Variants in GPHN observed in about 807,000 individuals in gnomAD.
GPHN encodes the protein gephyrin.
Under a neutral mutation model 95.5 loss-of-function variants are expected in GPHN, and 17 were observed. The ratio of observed to expected loss-of-function variants is 0.18; its 90% CI spans 0.12 to 0.27. The LOEUF (loss-of-function observed/expected upper bound fraction) is 0.27. Ranked by LOEUF, GPHN falls within the 10% of genes least tolerant of loss-of-function variation. The pLI is 1.00. For synonymous variants in GPHN, 320 were observed against 322.5 expected (o/e 0.99, Z 0.08); for missense variants, 660 against 978.1 (o/e 0.67, Z 4.34).
chr14:67,078,672 TG>T (rs2076583466), intron 11 of GPHN, among the ~76,000 whole-genome samples: 1 of 152,134 alleles, frequency 6.6e-6, no homozygotes, highest in African/African-American at 2.4e-5. Context: ...GGCTTGACAT[TG>T]AATGAAGTCT....
chr14:67,040,274 T>A (rs2074632703), intron 10 of GPHN, among the ~76,000 whole-genome samples: 1 of 152,168 alleles, frequency 6.6e-6, no homozygotes, highest in Non-Finnish European at 1.5e-5. Flanking sequence ...TTGTCACATT[T>A]CCTTTATCAT....
chr14:67,366,465 C>T, the GPHN span, among the ~76,000 whole-genome samples: 23 of 152,150 alleles, frequency 1.5e-4, no homozygotes, highest in African/African-American at 5.6e-4. Context: ...TACTTGCTTA[C>T]GTACAGTAGA....
At chr14:66,774,882 G>T (rs1279799912) in intron 2 of GPHN, among the ~76,000 whole-genome samples, 1 of 152,140 alleles carries the variant, frequency 6.6e-6, no homozygotes, top group African/African-American at 2.4e-5. Context: ...TTAAAATACT[G>T]TAGGAAAATT....
chr14:66,543,710 C>T (rs1273201684), intron 1 of GPHN, among the ~76,000 whole-genome samples: 1 of 152,194 alleles, frequency 6.6e-6, no homozygotes, highest in Non-Finnish European at 1.5e-5. Flanking sequence ...ACTTCTCTTG[C>T]TTTCTCCCAC....
At chr14:67,375,332 T>C in the GPHN span, among the ~76,000 whole-genome samples, 1 of 150,318 alleles carries the variant, frequency 6.7e-6, no homozygotes, top group East Asian at 2.0e-4. Flanking sequence ...CTCAACTTAC[T>C]GCAACCACCT....
rs577718395 is a variant in GPHN, at chr14:66,783,178, C to T, written c.201+6657C>T. Reference sequence around the variant, plus strand: ...GCACCAATGGAAAAACTGTTCAGTTCCCTTATAGTTTCAGTTGAGTCAAGC... The same window carrying T: ...GCACCAATGGAAAAACTGTTCAGTTTCCTTATAGTTTCAGTTGAGTCAAGC... On this transcript the variant is annotated intron_variant, in intron 3 of 22. Coordinates refer to ENST00000478722, the MANE Select transcript of GPHN (RefSeq NM_020806.5). Among the ~76,000 whole-genome samples the T allele has an allele frequency of 2.0e-4, 31 of 152,256 alleles. 1 individual carries two copies. Among genetic ancestry groups the T allele is most frequent in the Admixed American group, 1.7e-3 (26 of 15,294 alleles).
At chr14:67,602,662 T>A in the GPHN span, among the ~76,000 whole-genome samples, 3 of 152,218 alleles carry the variant, frequency 2.0e-5, no homozygotes, top group Non-Finnish European at 2.9e-5. Flanking sequence ...TAATTAAAAT[T>A]TAACATTTCT....
chr14:67,320,506 C>A, the GPHN span: 2 of 1,034,164 alleles, frequency 1.9e-6, no homozygotes, highest in Non-Finnish European at 1.3e-6. Flanking sequence ...ACACTGTTGT[C>A]AGTGAAAGAG....
At chr14:66,721,883 G>C (rs1488465648) in intron 2 of GPHN, among the ~76,000 whole-genome samples, 1 of 150,322 alleles carries the variant, frequency 6.7e-6, no homozygotes, top group Non-Finnish European at 1.5e-5. Context: ...CCTGGGAGGC[G>C]GAGCTTGCAG....
chr14:67,343,272 C>T, the GPHN span: 1 of 842,256 alleles, frequency 1.2e-6, no homozygotes, highest in Non-Finnish European at 1.8e-6. Flanking sequence ...GCATCTTATT[C>T]ATCTTTCAGT....
At chr14:66,633,828 T>G (rs1198603681) in intron 1 of GPHN, among the ~76,000 whole-genome samples, 3 of 152,184 alleles carry the variant, frequency 2.0e-5, no homozygotes, top group Non-Finnish European at 2.9e-5. Context: ...TTTCTCTCAT[T>G]ACTAATGATG....
intron 5 of GPHN, among the ~76,000 whole-genome samples, chr14:66,887,275 TTCACTAAAAGCC>T (rs1175887829): frequency 3.3e-5 from 5 of 152,014 alleles, no homozygotes; most frequent in Admixed American, 2.0e-4. Context: ...ACTCGTGAAG[TTCACTAAAAGCC>T]TCACTAAAAG....
chr14:66,667,933 A>G (rs2066064304), intron 1 of GPHN, among the ~76,000 whole-genome samples: 3 of 152,252 alleles, frequency 2.0e-5, no homozygotes, highest in Non-Finnish European at 4.4e-5. Flanking sequence ...AGGAACTTAA[A>G]TACATTTAGA....
the GPHN span, among the ~76,000 whole-genome samples, chr14:67,469,540 CCT>C: frequency 6.7e-6 from 1 of 149,558 alleles, no homozygotes; most frequent in East Asian, 2.0e-4. Flanking sequence ...CCTGCTTCAG[CCT>C]CTCAAAGTGC....
the GPHN span, among the ~76,000 whole-genome samples, chr14:67,217,190 A>G: frequency 3.9e-5 from 6 of 152,040 alleles, no homozygotes; most frequent in African/African-American, 1.5e-4. Context: ...AGTTTCTGAC[A>G]TAAATTCTGT....
At chr14:66,950,680 T>G (rs2068050083) in intron 8 of GPHN, among the ~76,000 whole-genome samples, 1 of 152,108 alleles carries the variant, frequency 6.6e-6, no homozygotes, top group Non-Finnish European at 1.5e-5. Context: ...CCACCATGTT[T>G]TCATTACTGA....
chr14:67,400,373 G>C, the GPHN span, among the ~76,000 whole-genome samples: 45 of 152,162 alleles, frequency 3.0e-4, no homozygotes, highest in Non-Finnish European at 5.3e-4. Flanking sequence ...TCCACATGTA[G>C]TATGGGCATT....
chr14:67,444,950 G>A, the GPHN span, among the ~76,000 whole-genome samples: 1 of 152,056 alleles, frequency 6.6e-6, no homozygotes. Context: ...AGTAGAGATG[G>A]GGATTCCACC....
chr14:67,366,833 T>C, the GPHN span, among the ~76,000 whole-genome samples: 4 of 142,118 alleles, frequency 2.8e-5, 1 homozygote, highest in East Asian at 3.9e-4. Context: ...TCGACACTTA[T>C]AAGAAAGGGT....
Sources: allele counts gnomAD v4.1 joint callset (sites outside exome capture counted in the v4.1 genomes callset), GRCh38; gene constraint gnomAD v4.1.1; transcripts MANE v1.5; gene names NCBI Gene and HGNC (gene_info 2026-07-23, HGNC 2026-07-21).